Variants in CNTN3 observed in about 807,000 individuals in gnomAD.
The protein encoded by CNTN3 is contactin-3.
A neutral mutation model predicts 119.1 loss-of-function variants in CNTN3; 60 were observed. The observed-to-expected ratio is 0.50, with a 90% CI of 0.41 to 0.62. CNTN3 has a LOEUF of 0.62. Ranked by LOEUF, CNTN3 falls within the 20% of genes least tolerant of loss-of-function variation. The pLI is 0.00. For missense variants in CNTN3, 1,101 were observed against 1,242.4 expected (o/e 0.89, Z 1.71); for synonymous variants, 450 against 438.7 (o/e 1.03, Z -0.32).
At chr3:74,597,813 A>G (rs988838925) in intron 1 of CNTN3, among the ~76,000 whole-genome samples, 1 of 152,104 alleles carries the variant, frequency 6.6e-6, no homozygotes, top group Non-Finnish European at 1.5e-5. Flanking sequence ...TACTAAAAAT[A>G]AATGTGGTAA....
chr3:74,328,685 C>T (rs911338868), intron 13 of CNTN3, among the ~76,000 whole-genome samples: 1 of 152,102 alleles, frequency 6.6e-6, no homozygotes, highest in Non-Finnish European at 1.5e-5. Flanking sequence ...CCTTTATTTG[C>T]CTGGTTGAAT....
chr3:74,551,767 T>C lies in CNTN3; in HGVS notation c.-80-30575A>G, dbSNP rs1340392716. 1.5e-4 allele frequency among the ~76,000 whole-genome samples: 19 copies of C among 126,336 alleles called. 1 individual carries two copies. Among genetic ancestry groups the C allele is most frequent in the Admixed American group, 1.5e-3 (19 of 12,666 alleles). The allele number at this position is 126,336 out of a possible 152,430, so 82.9% of individuals were successfully genotyped here. Reference sequence around the variant, plus strand: ...CTTCTTCTTCTTCTTTTTTTTTTTTTTTTTTTTTTTTTTTGAGATGGAGTC... The same window carrying C: ...CTTCTTCTTCTTCTTTTTTTTTTTTCTTTTTTTTTTTTTTGAGATGGAGTC... On this transcript the variant is annotated intron_variant, in intron 1 of 22. Transcript: ENST00000263665.
At chr3:74,272,219 A>G (rs1701791536) in intron 20 of CNTN3, among the ~76,000 whole-genome samples, 1 of 152,176 alleles carries the variant, frequency 6.6e-6, no homozygotes, top group African/African-American at 2.4e-5. Context: ...ATGTTTTAAG[A>G]AAGTTTATGA....
At chr3:74,324,026 A>G (rs1017561341) in intron 13 of CNTN3, among the ~76,000 whole-genome samples, 14 of 152,292 alleles carry the variant, frequency 9.2e-5, no homozygotes, top group African/African-American at 2.9e-4. Context: ...AAAACCATAT[A>G]TTACTGTATT....
Position 74,340,735 on chromosome 3 carries a change from G to T in CNTN3, c.1365-4077C>A, listed in dbSNP as rs571194863. On this transcript the variant is annotated intron_variant, in intron 11 of 22. Coordinates refer to ENST00000263665, the MANE Select transcript of CNTN3 (RefSeq NM_020872.3). ...AAATTATAGGTTAGAGATAGAATGG[G>T]AAGCTTCAAGAAGCTGGGGATCTAC... Among the ~76,000 whole-genome samples the T allele has an allele frequency of 2.0e-5, 3 of 152,264 alleles. No individual in the cohort carries two copies. The South Asian group carries it at 6.2e-4, about 32-fold the overall frequency.
At position 74,290,405 on chromosome 3, in the gene CNTN3, T is replaced by A. The variant is rs192186365; in HGVS notation, c.2517+4716A>T. 1.8e-3 allele frequency among the ~76,000 whole-genome samples: 280 copies of A among 152,370 alleles called. 3 individuals are homozygous for A. Among genetic ancestry groups the A allele is most frequent in the African/African-American group, 6.4e-3 (268 of 41,600 alleles). On this transcript the variant is annotated intron_variant, in intron 19 of 22. Coordinates refer to ENST00000263665, the MANE Select transcript of CNTN3 (RefSeq NM_020872.3). ...GGGGACCACTGTTGTATGTGTCATCTGTCCTAAACTGAAATATCATTATGT... is the reference window on the plus strand; with the variant it reads ...GGGGACCACTGTTGTATGTGTCATCAGTCCTAAACTGAAATATCATTATGT...
chr3:74,521,179 G>T lies in CNTN3; in HGVS notation c.-67C>A. 2 of 819,594 alleles carry T rather than the reference G, an allele frequency of 2.4e-6. No individual in the cohort carries two copies. The highest frequency in any genetic ancestry group is 1.9e-6 in the Non-Finnish European group (1 of 525,760). 50.8% of individuals were successfully genotyped at this position (819,594 alleles called of 1,614,324 possible). A position where few individuals can be genotyped will look rare whatever the true frequency, so the allele number is the denominator to read the frequency against. ...GATGAATAGAATGCTTTCTCTTCAG[G>T]TAAATCCTTTAATCTGTAAAATATA... On this transcript the variant is annotated 5_prime_UTR_variant, in exon 2 of 23. Coordinates refer to ENST00000263665, the MANE Select transcript of CNTN3 (RefSeq NM_020872.3).
intron 20 of CNTN3, 77 bp from the exon 21 acceptor site, chr3:74,267,455 C>G: frequency 1.0e-6 from 1 of 993,670 alleles, no homozygotes; most frequent in Non-Finnish European, 1.6e-6. Context: ...TGGCGGCTAT[C>G]ATAGGAAGCT....
chr3:74,399,120 GTTTT>G (rs895881463), intron 5 of CNTN3, among the ~76,000 whole-genome samples: 1 of 151,384 alleles, frequency 6.6e-6, no homozygotes, highest in African/African-American at 2.4e-5. Flanking sequence ...CTAACTGTAA[GTTTT>G]TTTTTAATCT....
At chr3:74,590,146 AC>A (rs1202621976) in intron 1 of CNTN3, among the ~76,000 whole-genome samples, 2 of 151,838 alleles carry the variant, frequency 1.3e-5, no homozygotes, top group African/African-American at 4.8e-5. Context: ...AAATAAATAA[AC>A]CAAAAACTCC....
chr3:74,577,316 A>C (rs1295360334), intron 1 of CNTN3, among the ~76,000 whole-genome samples: 1 of 152,194 alleles, frequency 6.6e-6, no homozygotes, highest in Non-Finnish European at 1.5e-5. Context: ...CTTTCTTGGA[A>C]GTATGATTTC....
At chr3:74,556,646 T>C (rs927748187) in intron 1 of CNTN3, among the ~76,000 whole-genome samples, 4 of 152,130 alleles carry the variant, frequency 2.6e-5, no homozygotes, top group Admixed American at 2.0e-4. Context: ...TTCTCTTGGG[T>C]AGATATCTAG....
intron 5 of CNTN3, among the ~76,000 whole-genome samples, chr3:74,394,950 A>G (rs1454899991): frequency 2.0e-5 from 3 of 152,198 alleles, no homozygotes; most frequent in Non-Finnish European, 4.4e-5. Flanking sequence ...TATATGGAAA[A>G]TGTTTCCTGT....
intron 3 of CNTN3, among the ~76,000 whole-genome samples, chr3:74,486,879 G>A (rs1276662088): frequency 6.6e-6 from 1 of 152,118 alleles, no homozygotes; most frequent in Non-Finnish European, 1.5e-5. Context: ...TTAGGAGGTG[G>A]GAATGATTTC....
intron 20 of CNTN3, among the ~76,000 whole-genome samples, chr3:74,277,940 C>T (rs1002579233): frequency 2.6e-5 from 4 of 151,638 alleles, no homozygotes; most frequent in Middle Eastern, 3.4e-3. Context: ...GATTAAGGTA[C>T]ACAAATCAGT....
intron 1 of CNTN3, among the ~76,000 whole-genome samples, chr3:74,547,726 G>C: frequency 6.6e-6 from 1 of 151,966 alleles, no homozygotes; most frequent in East Asian, 1.9e-4. Context: ...TAATTCTCTG[G>C]CTGTTATGTA....
chr3:74,453,430 C>G (rs574488891), intron 4 of CNTN3, among the ~76,000 whole-genome samples: 5 of 152,022 alleles, frequency 3.3e-5, no homozygotes, highest in South Asian at 2.1e-4. Context: ...AGTCTTGCTA[C>G]CAGTCTATCA....
At chr3:74,336,456 C>T in intron 12 of CNTN3, 75 bp downstream of exon 12, 1 of 1,486,524 alleles carries the variant, frequency 6.7e-7, no homozygotes, top group African/African-American at 1.4e-5. Flanking sequence ...TTGTGAAACA[C>T]ATAGTTACTT....
At chr3:74,478,273 T>C (rs1702695790) in intron 4 of CNTN3, among the ~76,000 whole-genome samples, 1 of 151,930 alleles carries the variant, frequency 6.6e-6, no homozygotes, top group Non-Finnish European at 1.5e-5. Flanking sequence ...GAAGAGGAAA[T>C]GCAATATGAC....
Sources: gnomAD v4.1 joint callset for allele counts (sites outside exome capture counted in the v4.1 genomes callset) on GRCh38, gnomAD v4.1.1 for gene constraint, MANE v1.5 for transcripts, NCBI Gene and HGNC (gene_info 2026-07-23, HGNC 2026-07-21) for gene names.